The following SLC19A3 variants were observed in gnomAD, a reference collection of about 807,000 sequenced individuals.
SLC19A3 encodes thiamine transporter 2.
In SLC19A3, 31 loss-of-function variants were observed where a neutral mutation model predicts 40.2. The ratio of observed to expected loss-of-function variants is 0.77; its 90% CI spans 0.58 to 1.04. The LOEUF (loss-of-function observed/expected upper bound fraction) is 1.04. SLC19A3 is among the 50% of genes least tolerant of loss of function. The probability of loss-of-function intolerance (pLI) is 0.00; values close to 1 mark genes in which losing one functional copy is unlikely to be tolerated. For missense variants in SLC19A3, 592 were observed against 596.7 expected (o/e 0.99, Z 0.08); for synonymous variants, 212 against 227.5 (o/e 0.93, Z 0.61).
At chr2:227,713,379 G>A (rs935014040) in intron 1 of SLC19A3, among the ~76,000 whole-genome samples, 16 of 148,878 alleles carry the variant, frequency 1.1e-4, no homozygotes, top group Non-Finnish European at 2.2e-4. Flanking sequence ...TCCAGGTTGG[G>A]CTGGACAGTG....
chr2:227,694,384 T>C (rs1439883424), intron 4 of SLC19A3, among the ~76,000 whole-genome samples: 1 of 152,154 alleles, frequency 6.6e-6, no homozygotes, highest in Non-Finnish European at 1.5e-5. Flanking sequence ...AAAAGCAACC[T>C]AAGATACATG....
At position 227,686,891 on chromosome 2, in the gene SLC19A3, G is replaced by C. The variant is rs115182620; in HGVS notation, c.*506C>G. ...TGGGACAAACATTGTAATTCTCTTA[G>C]AGAACTGTAACTTAAACAGAAATAC... On this transcript the variant is annotated 3_prime_UTR_variant, in exon 6 of 6. Transcript: ENST00000644224. 6.6e-6 allele frequency: 1 copy of C among 152,606 alleles called. No individual in the cohort carries two copies. The highest frequency in any genetic ancestry group is 6.5e-5 in the Admixed American group (1 of 15,336). 9.5% of individuals were successfully genotyped at this position (152,606 alleles called of 1,614,324 possible).
rs1021690766 is a variant in SLC19A3 at position 227,700,819 on chromosome 2, T to C, written c.151-1255A>G. The C allele has an allele frequency of 9.2e-6, 7 of 761,042 alleles. 1 individual carries two copies. Among genetic ancestry groups the C allele is most frequent in the African/African-American group, 5.5e-5 (3 of 54,990 alleles). The allele number at this position is 761,042 out of a possible 1,614,324, so 47.1% of individuals were successfully genotyped here. On this transcript the variant is annotated intron_variant, in intron 2 of 5. Transcript: ENST00000644224. Reference sequence around the variant, plus strand: ...TCTCACAGATTTAGTCAGAAATGCATGGGATCTCAATTTTCACAGTTGGAA... The same window carrying C: ...TCTCACAGATTTAGTCAGAAATGCACGGGATCTCAATTTTCACAGTTGGAA...
chr2:227,699,602 G>A, intron 2 of SLC19A3, 38 bp from the exon 3 acceptor site: 1 of 1,554,698 alleles, frequency 6.4e-7, no homozygotes, highest in Non-Finnish European at 8.9e-7. Flanking sequence ...CGAAGCACCG[G>A]TACTTTACTA....
At chr2:227,711,998 C>T (rs1457754642) in intron 1 of SLC19A3, among the ~76,000 whole-genome samples, 2 of 129,068 alleles carry the variant, frequency 1.5e-5, no homozygotes, top group Admixed American at 1.0e-4. Flanking sequence ...TGTAGTGAGC[C>T]GAGATCCCGC....
Position 227,705,904 on chromosome 2 carries a change from G to A in SLC19A3, c.-2-3584C>T, listed in dbSNP as rs142245485. On this transcript the variant is annotated intron_variant, in intron 1 of 5. Coordinates refer to ENST00000644224, the MANE Select transcript of SLC19A3 (RefSeq NM_025243.4). ...AAAAACAAACAAACAAAGATTTAGCGTGGTGTGGTGAAGCATGCCTGTAAT... is the reference window on the plus strand; with the variant it reads ...AAAAACAAACAAACAAAGATTTAGCATGGTGTGGTGAAGCATGCCTGTAAT... Among the ~76,000 whole-genome samples the A allele has an allele frequency of 1.0e-3, 156 of 152,134 alleles. 1 individual carries two copies. Among genetic ancestry groups the A allele is most frequent in the South Asian group, 3.3e-3 (16 of 4,816 alleles).
At chr2:227,711,383 G>A (rs985129919) in intron 1 of SLC19A3, among the ~76,000 whole-genome samples, 1 of 151,448 alleles carries the variant, frequency 6.6e-6, no homozygotes, top group Admixed American at 6.6e-5. Flanking sequence ...TAGTGCCACT[G>A]CATTGTGGCC....
rs930122952 is a variant in SLC19A3, at chr2:227,684,800, T to G, written c.*2597A>C. The G allele has an allele frequency of 1.3e-5, 2 of 151,592 alleles. No individual in the cohort carries two copies. Among genetic ancestry groups the G allele is most frequent in the African/African-American group, 4.8e-5 (2 of 41,296 alleles). The allele number at this position is 151,592 out of a possible 1,614,324, so 9.4% of individuals were successfully genotyped here. The stretch of plus-strand genomic sequence containing the variant: ...GAGTTTGAAACCAGCCTGACCAACA[T>G]GGTGAAACCCCGTCTCTACTAAATA... On this transcript the variant is annotated 3_prime_UTR_variant, in exon 6 of 6. Transcript: ENST00000644224.
intron 1 of SLC19A3, among the ~76,000 whole-genome samples, chr2:227,716,946 G>A (rs967859879): frequency 6.7e-6 from 1 of 148,674 alleles, no homozygotes; most frequent in African/African-American, 2.5e-5. Context: ...TTTGCCACAG[G>A]AGACACCAAT....
chr2:227,704,937 G>C (rs1157824804), intron 1 of SLC19A3, among the ~76,000 whole-genome samples: 1 of 152,036 alleles, frequency 6.6e-6, no homozygotes, highest in Non-Finnish European at 1.5e-5. Flanking sequence ...CTGGAGTGCA[G>C]TGGCACGATT....
intron 4 of SLC19A3, among the ~76,000 whole-genome samples, 170 bp from the exon 5 acceptor site, chr2:227,688,477 T>C (rs1027918220): frequency 6.6e-6 from 1 of 152,160 alleles, no homozygotes; most frequent in Non-Finnish European, 1.5e-5. Context: ...AAAGAACAAG[T>C]GTCTCTGTCT....
chr2:227,699,012 A>T lies in SLC19A3; in HGVS notation c.703T>A (p.Ser235Thr). 1 of 1,614,114 alleles carries T rather than the reference A, an allele frequency of 6.2e-7. No homozygotes were observed. The highest frequency in any genetic ancestry group is 8.5e-7 in the Non-Finnish European group (1 of 1,180,012). The change falls in exon 3 of 6, where the codon TCA becomes ACA. Residue 235 changes from serine (S) to threonine (T), a missense_variant. By Grantham distance (58) the Ser-to-Thr change is moderately conservative. Coordinates refer to ENST00000644224, the MANE Select transcript of SLC19A3 (RefSeq NM_025243.4). ...TTCCCTGAAGTGCTGAGTATTTCTG[A>T]TGTGGGTTTCTGCTCTTCACAGCCT... ...APGCEEQKPT[S>T]EILSTSGKLN...
Position 227,700,968 on chromosome 2 carries a change from A to C in SLC19A3, c.150+1201T>G, listed in dbSNP as rs1413684985. 2.3e-6 allele frequency: 3 copies of C among 1,303,984 alleles called. No individual in the cohort carries two copies. The East Asian group carries it at 1.7e-4, about 72-fold the overall frequency. The allele number at this position is 1,303,984 out of a possible 1,614,324, so 80.8% of individuals were successfully genotyped here. A position where few individuals can be genotyped will look rare whatever the true frequency, so the allele number is the denominator to read the frequency against. On this transcript the variant is annotated intron_variant, in intron 2 of 5. Coordinates refer to ENST00000644224, the MANE Select transcript of SLC19A3 (RefSeq NM_025243.4). The stretch of plus-strand genomic sequence containing the variant: ...GAAAGCAGGAGGCCACAGAGCAAAG[A>C]CCACACAACTGAGCTGCTCCTTGGA...
chr2:227,698,663 G>C, intron 3 of SLC19A3, 73 bp downstream of exon 3: 1 of 1,327,096 alleles, frequency 7.5e-7, no homozygotes, highest in Non-Finnish European at 1.1e-6. Context: ...TCGCTGCCAT[G>C]AAGTTCGGTA....
chr2:227,693,621 T>C (rs1382938095), intron 4 of SLC19A3, among the ~76,000 whole-genome samples: 1 of 152,134 alleles, frequency 6.6e-6, no homozygotes, highest in East Asian at 1.9e-4. Context: ...ATCTAAGACC[T>C]CAAATTATGA....
Position 227,686,511 on chromosome 2 carries a change from G to C in SLC19A3, c.*886C>G, listed in dbSNP as rs1695022388. ...TTTTTTAATTTTTTAGTAGAGTCAG[G>C]TGTCACTGTGTTGCCCAGGCTGGTC... On this transcript the variant is annotated 3_prime_UTR_variant, in exon 6 of 6. Coordinates refer to ENST00000644224, the MANE Select transcript of SLC19A3 (RefSeq NM_025243.4). 6.5e-6 allele frequency: 1 copy of C among 153,310 alleles called. No individual in the cohort carries two copies. Among genetic ancestry groups the C allele is most frequent in the Admixed American group, 6.5e-5 (1 of 15,320 alleles). The allele number at this position is 153,310 out of a possible 1,614,324, so 9.5% of individuals were successfully genotyped here.
chr2:227,717,827 C>G (rs1696383199), intron 1 of SLC19A3, 116 bp downstream of exon 1: 3 of 827,830 alleles, frequency 3.6e-6, no homozygotes, highest in Non-Finnish European at 4.4e-6. Context: ...AGCCCAGGCC[C>G]GCAGAGCCAG....
chr2:227,709,947 TA>T (rs1171134710), intron 1 of SLC19A3, among the ~76,000 whole-genome samples: 1 of 151,896 alleles, frequency 6.6e-6, no homozygotes, highest in Non-Finnish European at 1.5e-5. Context: ...GGGGAGGAGT[TA>T]GGGGGAATGG....
At chr2:227,700,595 T>A (rs926353643) in intron 2 of SLC19A3, among the ~76,000 whole-genome samples, 1 of 152,080 alleles carries the variant, frequency 6.6e-6, no homozygotes, top group Non-Finnish European at 1.5e-5. Flanking sequence ...TATCACTACA[T>A]CAAATATTTC....
Sources: allele counts gnomAD v4.1 joint callset (sites outside exome capture counted in the v4.1 genomes callset), GRCh38; gene constraint gnomAD v4.1.1; transcripts MANE v1.5; gene names NCBI Gene and HGNC (gene_info 2026-07-23, HGNC 2026-07-21).